Variants in ABI3 observed in about 807,000 individuals in gnomAD.
ABI3 encodes ABI family member 3.
ABI3 carries 24 observed loss-of-function variants against 37.0 expected under a neutral mutation model. That is an observed-to-expected ratio of 0.65 (90% CI 0.47 to 0.91). ABI3 has a LOEUF of 0.91. Among genes scored for constraint, ABI3 ranks in the 40% least tolerant of loss-of-function variants. The probability of loss-of-function intolerance (pLI) is 0.00; values close to 1 mark genes in which losing one functional copy is unlikely to be tolerated. For missense variants in ABI3, 481 were observed against 485.1 expected (o/e 0.99, Z 0.08); for synonymous variants, 220 against 211.8 (o/e 1.04, Z -0.34).
Position 49,212,782 on chromosome 17 carries a change from G to T in ABI3, c.117+1941G>T, listed in dbSNP as rs373726055. On this transcript the variant is annotated intron_variant, in intron 1 of 7. Transcript: ENST00000225941. ...ACTCCCTATGCCACTAACTGAAAAT[G>T]CTACTCTGGGTATCATTTCGGTCTG... Among the ~76,000 whole-genome samples the T allele has an allele frequency of 3.9e-5, 6 of 152,284 alleles. No individual in the cohort carries two copies. The South Asian group carries it at 1.2e-3, about 32-fold the overall frequency.
In ABI3 at chr17:49,222,153, G is replaced by A. The variant is rs1379178933; in HGVS notation, c.865G>A (p.Gly289Arg). 3 of 1,613,594 alleles carry A rather than the reference G, an allele frequency of 1.9e-6. No homozygotes were observed. The East Asian group carries it at 6.7e-5, about 36-fold the overall frequency. Reference protein sequence around the residue: ...PPPPLDGDELGLPPPPPGFGP... With the variant: ...PPPPLDGDELRLPPPPPGFGP... ...TCCACCCCTGGATGGAGATGAATTG[G>A]GGCTGCCTCCACCCCCACCAGGATT... Residue 289 changes from glycine to arginine, a missense_variant, in exon 7 of 8, where the codon GGG (glycine) becomes AGG (arginine). Coordinates refer to ENST00000225941, the MANE Select transcript of ABI3 (RefSeq NM_016428.3).
At chr17:49,215,309 G>A (rs2043208118) in intron 1 of ABI3, among the ~76,000 whole-genome samples, 1 of 152,156 alleles carries the variant, frequency 6.6e-6, no homozygotes, top group Non-Finnish European at 1.5e-5. Context: ...GAAGAGAAAG[G>A]CAGGAGCCAG....
chr17:49,222,191 GCC>G lies in ABI3; in HGVS notation c.905_906del (p.Pro302GlnfsTer24), dbSNP rs1331823120. 1 of 1,613,742 alleles carries G rather than the reference GCC, an allele frequency of 6.2e-7. No homozygotes were observed. The highest frequency in any genetic ancestry group is 1.7e-5 in the Admixed American group (1 of 59,966). On this transcript the variant is annotated frameshift_variant, in exon 7 of 8. Transcript: ENST00000225941. LOFTEE classifies it high-confidence loss of function. ...CCCCACCAGGATTTGGGCCTGATGA[GCC>G]CAGCTGGGTGCCTGCCTCATACTTG... ...PPPPGFGPDE[P>X]SWVPASYLEK...
intron 2 of ABI3, 38 bp from the exon 3 acceptor site, chr17:49,217,701 G>A: frequency 6.3e-7 from 1 of 1,578,480 alleles, no homozygotes; most frequent in East Asian, 2.4e-5. Flanking sequence ...GCTGGACACA[G>A]ACCACCCCTC....
rs1251359622 is a variant in ABI3 at position 49,217,741 on chromosome 17, G to A, written c.288G>A (p.Met96Ile). 1.9e-6 allele frequency: 3 copies of A among 1,605,738 alleles called. 1 individual carries two copies. Among genetic ancestry groups the A allele is most frequent in the Middle Eastern group, 1.7e-4 (1 of 6,032 alleles). Residue 96 changes from methionine to isoleucine, a missense_variant and splice_region_variant, in exon 3 of 8, where the codon ATG (methionine) becomes ATA (isoleucine). Transcript: ENST00000225941. Reference protein sequence around the residue: ...VEARVSTLGQMVNMHMEKVAR... With the variant: ...VEARVSTLGQIVNMHMEKVAR... ...TCACCTTGAACCCTGTCATGCAGAT[G>A]GTGAACATGCATATGGAGAAGGTGG...
chr17:49,219,121 G>A lies in ABI3; in HGVS notation c.463-419G>A, dbSNP rs1317186471. Among the ~76,000 whole-genome samples, 1 of 152,154 alleles carries A rather than the reference G, an allele frequency of 6.6e-6. No homozygotes were observed. The highest frequency in any genetic ancestry group is 1.5e-5 in the Non-Finnish European group (1 of 68,038). ...TCTCTGCCCTAACTCCCCAAAGCCA[G>A]TTCCACAAATCTTCGAAAATGAAAG... On this transcript the variant is annotated intron_variant, in intron 3 of 7. Coordinates refer to ENST00000225941, the MANE Select transcript of ABI3 (RefSeq NM_016428.3). The surrounding 1 kb of genome is among the most constrained non-coding windows in gnomAD (Gnocchi z 4.3).
intron 7 of ABI3, 45 bp downstream of exon 7, chr17:49,222,270 T>G: frequency 6.3e-7 from 1 of 1,591,056 alleles, no homozygotes; most frequent in Non-Finnish European, 8.6e-7. Flanking sequence ...CCACTTCCTC[T>G]GTTGCCCTGA....
chr17:49,222,063 C>T (rs766883826), intron 6 of ABI3, 28 bp from the exon 7 acceptor site: 3 of 1,569,444 alleles, frequency 1.9e-6, no homozygotes, highest in South Asian at 1.2e-5. Flanking sequence ...CTGTGCCACA[C>T]TTACAGCCTT....
Position 49,217,873 on chromosome 17 carries a change from C to G in ABI3, c.420C>G (p.Pro140=). 1 of 1,585,202 alleles carries G rather than the reference C, an allele frequency of 6.3e-7. No individual in the cohort carries two copies. The highest frequency in any genetic ancestry group is 8.6e-7 in the Non-Finnish European group (1 of 1,168,168). ...CTCTCACGCCCTACTGCAGGAGACC[C>G]CTCAACTTTGGCTGCCTGGACGACA... ...LPPLTPYCRR[P]LNFGCLDDIG... is the part of the protein sequence containing the mutation. Residue 140 remains proline, a synonymous_variant, in exon 3 of 8, where the codon CCC becomes CCG. Transcript: ENST00000225941.
chr17:49,215,522 G>GGGTC (rs532438184), intron 1 of ABI3, among the ~76,000 whole-genome samples: 237 of 151,448 alleles, frequency 1.6e-3, no homozygotes, highest in Non-Finnish European at 2.6e-3. Flanking sequence ...TTTTGAGACA[G>GGGTC]GGTCTCACTC....
In ABI3 at chr17:49,222,669, A is replaced by G; in HGVS notation, c.1055A>G (p.Glu352Gly). 6.2e-7 allele frequency: 1 copy of G among 1,604,212 alleles called. No homozygotes were observed. Among genetic ancestry groups the G allele is most frequent in the Non-Finnish European group, 8.5e-7 (1 of 1,175,524 alleles). Residue 352 changes from glutamate to glycine, a missense_variant, in exon 8 of 8, where the codon GAG (glutamate) becomes GGG (glycine). Transcript: ENST00000225941. ...SDGWCEGVSS[E>G]GTGFFPGNYV... ...GGCTGGTGCGAGGGCGTCAGCTCAG[A>G]GGGGACTGGATTCTTCCCTGGGAAC...
chr17:49,223,062 C>T lies in ABI3; in HGVS notation c.*347C>T, dbSNP rs191319602. On this transcript the variant is annotated 3_prime_UTR_variant, in exon 8 of 8. Transcript: ENST00000225941. ...GGGGCCAGGAGGGATTGAAAGGCAT[C>T]CCAGTTCTAAGGCTGCTGCTAATTA... 1 of 424,756 alleles carries T rather than the reference C, an allele frequency of 2.4e-6. No individual in the cohort carries two copies. Among genetic ancestry groups the T allele is most frequent in the African/African-American group, 2.0e-5 (1 of 49,690 alleles). The allele number at this position is 424,756 out of a possible 1,614,324, so 26.3% of individuals were successfully genotyped here.
rs1598243668 is a variant in ABI3, at chr17:49,219,040, G to A, written c.463-500G>A. Among the ~76,000 whole-genome samples, 1 of 152,260 alleles carries A rather than the reference G, an allele frequency of 6.6e-6. No individual in the cohort carries two copies. The highest frequency in any genetic ancestry group is 1.9e-4 in the East Asian group (1 of 5,172). On this transcript the variant is annotated intron_variant, in intron 3 of 7. Transcript: ENST00000225941. This position sits in a 1 kb window ranked among gnomAD's most constrained non-coding sequence, Gnocchi z 4.3. ...TGGTAACAGCAGTTCCCTCTTTCAT[G>A]TAGGCGTGCACCCTGTCATTTGCGC...
At chr17:49,214,600 C>G (rs1178551831) in intron 1 of ABI3, among the ~76,000 whole-genome samples, 1 of 152,218 alleles carries the variant, frequency 6.6e-6, no homozygotes, top group Non-Finnish European at 1.5e-5. Context: ...ATCCCAGCTA[C>G]TCGGAAGGCT....
chr17:49,216,533 C>A lies in ABI3; in HGVS notation c.120C>A (p.Ala40=). The change falls in exon 2 of 8, where the codon GCC becomes GCA. Residue 40 remains alanine (A), a splice_region_variant and synonymous_variant. Coordinates refer to ENST00000225941, the MANE Select transcript of ABI3 (RefSeq NM_016428.3). The part of the protein sequence containing the change: ...ADYCEDNYVQ[A]TDKRKALEET... ...GGCCAGGGCTGTGTGTATTTCAGGC[C>A]ACAGACAAGCGGAAGGCGCTGGAGG... 1 of 1,572,978 alleles carries A rather than the reference C, an allele frequency of 6.4e-7. No homozygotes were observed. The highest frequency in any genetic ancestry group is 1.9e-5 in the Admixed American group (1 of 53,818).
chr17:49,217,375 C>A (rs905880657), intron 2 of ABI3, among the ~76,000 whole-genome samples: 2 of 152,160 alleles, frequency 1.3e-5, no homozygotes, highest in Admixed American at 1.3e-4. Context: ...GAGAGCTGAT[C>A]CAGCCACCAT....
chr17:49,216,611 C>T lies in ABI3; in HGVS notation c.198C>T (p.Gly66=). 1 of 1,611,634 alleles carries T rather than the reference C, an allele frequency of 6.2e-7. No homozygotes were observed. The highest frequency in any genetic ancestry group is 8.5e-7 in the Non-Finnish European group (1 of 1,179,122). The change falls in exon 2 of 8, where the codon GGC becomes GGT. Residue 66 remains glycine (G), a synonymous_variant. Transcript: ENST00000225941. ...TGGCCAGCGTGGCCTACCAGGTGGGCAACCTGGCCGGGCACACTCTGCGCA... is the reference window on the plus strand; with the variant it reads ...TGGCCAGCGTGGCCTACCAGGTGGGTAACCTGGCCGGGCACACTCTGCGCA... ...QALASVAYQV[G]NLAGHTLRML...
At chr17:49,212,906 G>T (rs1282927951) in intron 1 of ABI3, among the ~76,000 whole-genome samples, 1 of 152,210 alleles carries the variant, frequency 6.6e-6, no homozygotes, top group Non-Finnish European at 1.5e-5. Flanking sequence ...TATGGACAAG[G>T]ATCCAAGCAG....
intron 6 of ABI3, among the ~76,000 whole-genome samples, chr17:49,221,340 G>A (rs1320853373): frequency 1.3e-5 from 2 of 151,490 alleles, no homozygotes; most frequent in Non-Finnish European, 2.9e-5. Context: ...GCGTGGTGGC[G>A]GGCGCCTGTA....
Sources: gnomAD v4.1 joint callset for allele counts (sites outside exome capture counted in the v4.1 genomes callset) on GRCh38, gnomAD v4.1.1 for gene constraint, Gnocchi (gnomAD v3.1) non-coding constraint, MANE v1.5 for transcripts, NCBI Gene and HGNC (gene_info 2026-07-23, HGNC 2026-07-21) for gene names.